ADORA2B: variants seen among roughly 807,000 people sequenced by gnomAD.
ADORA2B encodes adenosine receptor A2b.
ADORA2B carries 18 observed loss-of-function variants against 20.8 expected under a neutral mutation model. The ratio of observed to expected loss-of-function variants is 0.87; its 90% CI spans 0.60 to 1.29. The LOEUF (loss-of-function observed/expected upper bound fraction) is 1.29. ADORA2B is among the 50% of genes most tolerant of loss of function. ADORA2B has a pLI of 0.00. For synonymous variants in ADORA2B, 179 were observed against 178.3 expected (o/e 1.00, Z -0.03); for missense variants, 441 against 422.7 (o/e 1.04, Z -0.38).
chr17:15,914,577 G>GA, the ADORA2B span, among the ~76,000 whole-genome samples: 1 of 152,238 alleles, frequency 6.6e-6, no homozygotes, highest in African/African-American at 2.4e-5. Flanking sequence ...GAGCAAGCAT[G>GA]AACCATATAG....
At chr17:15,877,720 G>A in the ADORA2B span, among the ~76,000 whole-genome samples, 3 of 152,100 alleles carry the variant, frequency 2.0e-5, no homozygotes, top group Admixed American at 2.0e-4. Flanking sequence ...AGGGAAGAGA[G>A]AGTGTCTGGA....
At chr17:15,941,531 C>T (rs921215932), upstream of ADORA2B, among the ~76,000 whole-genome samples, 15 of 151,988 alleles carry the variant, frequency 9.9e-5, no homozygotes, top group African/African-American at 3.6e-4. Flanking sequence ...GGTTCAAGAC[C>T]AGCCTGGGCA....
At chr17:15,948,398 C>CGAT (rs1969842672) in intron 1 of ADORA2B, among the ~76,000 whole-genome samples, 1 of 22,602 alleles carries the variant, frequency 4.4e-5, no homozygotes, top group Non-Finnish European at 3.4e-4. Context: ...TGGGCCCTGG[C>CGAT]GGCGGGGGGC....
chr17:15,960,201 A>G (rs1029008305), intron 1 of ADORA2B, among the ~76,000 whole-genome samples: 1 of 152,070 alleles, frequency 6.6e-6, no homozygotes, highest in African/African-American at 2.4e-5. Flanking sequence ...CCAGGAGTTC[A>G]AGGTTACAGT....
At chr17:15,866,715 G>GCCTCTGCCGCTGCCGCTA in the ADORA2B span, among the ~76,000 whole-genome samples, 5 of 150,202 alleles carry the variant, frequency 3.3e-5, no homozygotes, top group African/African-American at 1.3e-4. Flanking sequence ...CGCTGCCGCT[G>GCCTCTGCCGCTGCCGCTA]CCTCTGCCGC....
chr17:15,936,013 C>T, the ADORA2B span, among the ~76,000 whole-genome samples: 12 of 151,496 alleles, frequency 7.9e-5, no homozygotes, highest in African/African-American at 2.2e-4. Flanking sequence ...ATTACAGGAG[C>T]GTGCCACCAT....
chr17:15,872,394 T>C, the ADORA2B span, among the ~76,000 whole-genome samples: 1 of 152,294 alleles, frequency 6.6e-6, no homozygotes, highest in East Asian at 1.9e-4. Context: ...CTATTCAGGC[T>C]CTTTTTTGGT....
the ADORA2B span, among the ~76,000 whole-genome samples, chr17:15,913,580 A>G: frequency 1.4e-4 from 22 of 152,364 alleles, no homozygotes; most frequent in East Asian, 1.7e-3. Context: ...TTATGGTATC[A>G]TGAATGGACA....
At position 15,965,541 on chromosome 17, in the gene ADORA2B, G is replaced by A. The variant is rs551720977; in HGVS notation, c.336-9138G>A. Among the ~76,000 whole-genome samples, 31 of 152,338 alleles carry A rather than the reference G, an allele frequency of 2.0e-4. No individual in the cohort carries two copies. In the East Asian group the frequency reaches 4.2e-3, roughly 21 times the overall value. ...ACTTCTGTACTGTGAATTAATTCAC[G>A]CGTGGCAGGTGGCCAGGGGAAGGAT... On this transcript the variant is annotated intron_variant, in intron 1 of 1. Coordinates refer to ENST00000304222, the MANE Select transcript of ADORA2B (RefSeq NM_000676.4).
chr17:15,865,366 A>G, the ADORA2B span, among the ~76,000 whole-genome samples: 1 of 151,490 alleles, frequency 6.6e-6, no homozygotes, highest in Non-Finnish European at 1.5e-5. Flanking sequence ...GGTTCAAGCA[A>G]TTCTCCTGCC....
the ADORA2B span, among the ~76,000 whole-genome samples, chr17:15,902,741 A>G: frequency 6.6e-6 from 1 of 152,190 alleles, no homozygotes; most frequent in African/African-American, 2.4e-5. Context: ...ATTTCCCTGT[A>G]TCAGAGCTGA....
At chr17:15,967,232 T>C (rs1357960420) in intron 1 of ADORA2B, among the ~76,000 whole-genome samples, 1 of 126,124 alleles carries the variant, frequency 7.9e-6, no homozygotes, top group African/African-American at 3.0e-5. Context: ...CCTGCTTGCC[T>C]TTTTTTTTTT....
chr17:15,961,697 G>C (rs1970044137), intron 1 of ADORA2B, among the ~76,000 whole-genome samples: 2 of 152,226 alleles, frequency 1.3e-5, no homozygotes, highest in Non-Finnish European at 2.9e-5. Context: ...GCCAGCATCT[G>C]GCGAGGGCCT....
chr17:15,919,119 T>C, the ADORA2B span, among the ~76,000 whole-genome samples: 15,866 of 152,234 alleles, frequency 0.1, 2,391 homozygotes, highest in African/African-American at 0.33. Flanking sequence ...CCAGATGCAG[T>C]GTGACCTCCT....
At chr17:15,903,808 A>G in the ADORA2B span, among the ~76,000 whole-genome samples, 1 of 152,058 alleles carries the variant, frequency 6.6e-6, no homozygotes, top group African/African-American at 2.4e-5. Context: ...AGCATTTGGT[A>G]TTATCATTTT....
the ADORA2B span, among the ~76,000 whole-genome samples, chr17:15,863,557 T>G: frequency 6.6e-6 from 1 of 152,148 alleles, no homozygotes; most frequent in Non-Finnish European, 1.5e-5. Context: ...TCTCACTATG[T>G]TTCTCAGGCT....
At position 15,945,156 on chromosome 17, in the gene ADORA2B, G is replaced by T. The variant is rs1291525166; in HGVS notation, c.-93G>T. The T allele has an allele frequency of 1.8e-6, 2 of 1,134,046 alleles. No homozygotes were observed. Among genetic ancestry groups the T allele is most frequent in the Non-Finnish European group, 2.3e-6 (2 of 878,010 alleles). 70.2% of individuals were successfully genotyped at this position (1,134,046 alleles called of 1,614,324 possible). On this transcript the variant is annotated 5_prime_UTR_variant, in exon 1 of 2. Coordinates refer to ENST00000304222, the MANE Select transcript of ADORA2B (RefSeq NM_000676.4). ...GAAGCGGCAGGCGGAGGCGCGGTCC[G>T]GGCGCTATGGCCATGCCCGGCGGGT...
At chr17:15,886,871 G>A in the ADORA2B span, among the ~76,000 whole-genome samples, 29 of 129,628 alleles carry the variant, frequency 2.2e-4, 6 homozygotes, top group Non-Finnish European at 3.6e-4. Context: ...GAGCCACTGG[G>A]TTTCGCCTGC....
the ADORA2B span, among the ~76,000 whole-genome samples, chr17:15,893,246 TCTATCAAA>T: frequency 1.1e-4 from 16 of 152,224 alleles, no homozygotes; most frequent in Non-Finnish European, 2.1e-4. Context: ...GAGACTTCCT[TCTATCAAA>T]AAGTCCCATA....
Sources: gnomAD v4.1 joint callset for allele counts (sites outside exome capture counted in the v4.1 genomes callset) on GRCh38, gnomAD v4.1.1 for gene constraint, MANE v1.5 for transcripts, NCBI Gene and HGNC (gene_info 2026-07-23, HGNC 2026-07-21) for gene names.